Variants in DPYD observed in about 807,000 individuals in gnomAD.
DPYD encodes the protein dihydropyrimidine dehydrogenase.
A neutral mutation model predicts 116.2 loss-of-function variants in DPYD; 109 were observed. The observed-to-expected ratio is 0.94, with a 90% CI of 0.80 to 1.10. The LOEUF is 1.10. Ranked by LOEUF, DPYD falls within the 50% of genes least tolerant of loss-of-function variation. The pLI, the probability that DPYD is intolerant of heterozygous loss-of-function variation, is 0.00. For missense variants in DPYD, 1,302 were observed against 1,254.5 expected, an observed-to-expected ratio of 1.04 and a Z score of -0.57; for synonymous variants, 440 against 432.0, an observed-to-expected ratio of 1.02 and a Z score of -0.23.
chr1:97,284,743 T>C (rs1431241802), intron 18 of DPYD, among the ~76,000 whole-genome samples: 1 of 152,182 alleles, frequency 6.6e-6, no homozygotes, highest in East Asian at 1.9e-4. Flanking sequence ...ATAATTTTGA[T>C]TACTCTGTCA....
intron 1 of DPYD, 51 bp downstream of exon 1, chr1:97,920,833 A>G: frequency 5.1e-6 from 8 of 1,564,472 alleles, no homozygotes; most frequent in Non-Finnish European, 6.9e-6. Context: ...CTACCCGCAG[A>G]GCACTCCCCA....
At chr1:97,618,769 A>C (rs1656454965) in intron 8 of DPYD, among the ~76,000 whole-genome samples, 1 of 152,176 alleles carries the variant, frequency 6.6e-6, no homozygotes, top group Admixed American at 6.6e-5. Flanking sequence ...TAATCCAGGC[A>C]ATCAGGCTTC....
At chr1:97,774,060 T>C (rs1436134200) in intron 3 of DPYD, among the ~76,000 whole-genome samples, 1 of 152,158 alleles carries the variant, frequency 6.6e-6, no homozygotes, top group African/African-American at 2.4e-5. Flanking sequence ...CCCTAGATGC[T>C]GCCGTGGGGT....
intron 20 of DPYD, among the ~76,000 whole-genome samples, chr1:97,126,728 A>T (rs1652872447): frequency 6.6e-6 from 1 of 152,148 alleles, no homozygotes; most frequent in Non-Finnish European, 1.5e-5. Context: ...GTCACAGACA[A>T]CTGTTCAAAT....
intron 20 of DPYD, among the ~76,000 whole-genome samples, chr1:97,131,140 A>G (rs993291039): frequency 6.6e-6 from 1 of 152,034 alleles, no homozygotes; most frequent in African/African-American, 2.4e-5. Flanking sequence ...GCACTAAAAT[A>G]TATCAAAAAG....
intron 13 of DPYD, among the ~76,000 whole-genome samples, chr1:97,487,909 A>G (rs1033412455): frequency 1.3e-5 from 2 of 152,174 alleles, no homozygotes; most frequent in African/African-American, 4.8e-5. Flanking sequence ...TGACCCATCA[A>G]TTGCACTCCC....
At position 97,373,556 on chromosome 1, in the gene DPYD, C is replaced by T. The variant is rs367623519; in HGVS notation, c.2058+5G>A. The T allele has an allele frequency of 5.1e-5, 82 of 1,613,458 alleles. No individual in the cohort carries two copies. The highest frequency in any genetic ancestry group is 6.7e-5 in the Non-Finnish European group (79 of 1,179,562). ...ATACTTAGTGGCAGCTGTCAAGGTC[C>T]TTACCTGCCCACAGGCCAGGCCCAT... On this transcript the variant is annotated splice_donor_5th_base_variant and intron_variant, in intron 16 of 22. Coordinates refer to ENST00000370192, the MANE Select transcript of DPYD (RefSeq NM_000110.4).
chr1:97,113,627 A>G (rs1651760105), intron 20 of DPYD, among the ~76,000 whole-genome samples: 1 of 152,002 alleles, frequency 6.6e-6, no homozygotes, highest in Admixed American at 6.6e-5. Context: ...AGTTTTGGAG[A>G]TGGTATATGT....
intron 14 of DPYD, among the ~76,000 whole-genome samples, chr1:97,422,985 A>G (rs576731709): frequency 2.0e-5 from 3 of 152,240 alleles, no homozygotes; most frequent in East Asian, 3.9e-4. Flanking sequence ...CAATGACTCA[A>G]TTCAAGTAAG....
chr1:97,232,648 T>C (rs566024956), intron 19 of DPYD, among the ~76,000 whole-genome samples: 5 of 152,264 alleles, frequency 3.3e-5, no homozygotes, highest in African/African-American at 9.6e-5. Flanking sequence ...TCTATTGCTC[T>C]ATCTTCTAGT....
intron 17 of DPYD, among the ~76,000 whole-genome samples, chr1:97,305,945 G>C (rs375234736): frequency 3.3e-5 from 5 of 151,962 alleles, no homozygotes; most frequent in African/African-American, 1.2e-4. Context: ...GTGTTTATTA[G>C]GAAAAACTAT....
intron 10 of DPYD, chr1:97,585,863 G>C (rs142069183): frequency 0.013 from 2,004 of 153,176 alleles, 23 homozygotes; most frequent in Middle Eastern, 0.023. Context: ...AGTGGCCAAA[G>C]GGAAGTTCAA....
At chr1:97,662,571 T>A (rs1407276050) in intron 8 of DPYD, among the ~76,000 whole-genome samples, 1 of 151,988 alleles carries the variant, frequency 6.6e-6, no homozygotes, top group Non-Finnish European at 1.5e-5. Flanking sequence ...AGGCAGAGTT[T>A]GCAGTGAGCT....
At chr1:97,306,319 A>G (rs747189276) in intron 16 of DPYD, 22 bp from the exon 17 acceptor site, 10 of 1,611,706 alleles carry the variant, frequency 6.2e-6, no homozygotes, top group Non-Finnish European at 7.6e-6. Flanking sequence ...GGTCGGTTAA[A>G]TATAGAACAA....
rs533439970 is a variant in DPYD at position 97,327,429 on chromosome 1, T to G, written c.2059-21132A>C. Among the ~76,000 whole-genome samples, 30 of 152,142 alleles carry G rather than the reference T, an allele frequency of 2.0e-4. No individual in the cohort carries two copies. The East Asian group carries it at 4.3e-3, about 22-fold the overall frequency. The stretch of plus-strand genomic sequence containing the variant: ...CCTACATTATATTTTTCAAATGTTA[T>G]TTTCCTGATTATAAAAAAAGTTCTT... On this transcript the variant is annotated intron_variant, in intron 16 of 22. Transcript: ENST00000370192.
chr1:97,554,321 A>T (rs554998909), intron 11 of DPYD, among the ~76,000 whole-genome samples: 17 of 152,254 alleles, frequency 1.1e-4, no homozygotes, highest in Non-Finnish European at 1.9e-4. Context: ...TTAGTACACA[A>T]ATATAAATTA....
intron 8 of DPYD, among the ~76,000 whole-genome samples, chr1:97,605,335 C>T (rs1052250127): frequency 6.6e-6 from 1 of 151,956 alleles, no homozygotes; most frequent in African/African-American, 2.4e-5. Flanking sequence ...TGGGAGGGAC[C>T]TGGTGGGAGG....
intron 16 of DPYD, among the ~76,000 whole-genome samples, chr1:97,323,635 A>AT (rs770955707): frequency 1.4e-4 from 6 of 41,812 alleles, no homozygotes; most frequent in Non-Finnish European, 2.9e-4. Context: ...TATCATATAT[A>AT]CATATATGTG....
chr1:97,390,405 A>T (rs1051000655), intron 14 of DPYD, among the ~76,000 whole-genome samples: 1 of 152,108 alleles, frequency 6.6e-6, no homozygotes, highest in African/African-American at 2.4e-5. Flanking sequence ...ATTTAAACAA[A>T]GAAAATAAGT....
Sources: allele counts gnomAD v4.1 joint callset (sites outside exome capture counted in the v4.1 genomes callset), GRCh38; gene constraint gnomAD v4.1.1; transcripts MANE v1.5; gene names NCBI Gene and HGNC (gene_info 2026-07-23, HGNC 2026-07-21).